Variants in CPS1 observed in about 807,000 individuals in gnomAD.
CPS1 encodes carbamoyl-phosphate synthase 1.
A neutral mutation model predicts 174.6 loss-of-function variants in CPS1; 109 were observed. The observed-to-expected ratio is 0.62, with a 90% CI of 0.53 to 0.73. The LOEUF is 0.73. CPS1 is among the 30% of genes least tolerant of loss of function. The pLI is 0.00. For missense variants in CPS1, 1,689 were observed against 1,821.9 expected, an observed-to-expected ratio of 0.93 and a Z score of 1.33; for synonymous variants, 637 against 632.0, an observed-to-expected ratio of 1.01 and a Z score of -0.12.
At chr2:210,656,746 A>C in intron 30 of CPS1, 114 bp downstream of exon 30, 1 of 758,426 alleles carries the variant, frequency 1.3e-6, no homozygotes, top group Non-Finnish European at 2.3e-6. Context: ...CTGCAGGTTA[A>C]ATTTAATGAT....
At chr2:210,635,688 T>C (rs1700024448) in intron 21 of CPS1, among the ~76,000 whole-genome samples, 1 of 152,216 alleles carries the variant, frequency 6.6e-6, no homozygotes, top group South Asian at 2.1e-4. Context: ...ATACTTAATA[T>C]TGGATTGCAT....
intron 21 of CPS1, among the ~76,000 whole-genome samples, chr2:210,632,882 T>C (rs535809564): frequency 1.3e-5 from 2 of 152,374 alleles, no homozygotes; most frequent in African/African-American, 4.8e-5. Flanking sequence ...TAATATACCA[T>C]TTCAATTTAA....
chr2:210,573,188 A>G, intron 1 of CPS1, 110 bp from the exon 2 acceptor site: 2 of 972,004 alleles, frequency 2.1e-6, no homozygotes, highest in East Asian at 2.4e-5. Flanking sequence ...TTATGGTTTC[A>G]TTAAATATAC....
At chr2:210,548,669 TCTC>T (rs1206356029) in intron 1 of CPS1, among the ~76,000 whole-genome samples, 1 of 151,964 alleles carries the variant, frequency 6.6e-6, no homozygotes, top group Non-Finnish European at 1.5e-5. Context: ...CCCTTCTTCA[TCTC>T]CTTCTTGTTC....
At chr2:210,668,583 C>A (rs1424087928) in intron 34 of CPS1, among the ~76,000 whole-genome samples, 1 of 152,034 alleles carries the variant, frequency 6.6e-6, no homozygotes, top group African/African-American at 2.4e-5. Flanking sequence ...TTGGTTTTGT[C>A]TTTTCTATAT....
At chr2:210,652,928 G>A (rs1160301437) in intron 28 of CPS1, among the ~76,000 whole-genome samples, 6 of 152,174 alleles carry the variant, frequency 3.9e-5, no homozygotes, top group East Asian at 1.9e-4. Flanking sequence ...AAAGAACCAC[G>A]AATGAGCTGA....
Position 210,580,338 on chromosome 2 carries a change from A to G in CPS1, c.528+568A>G, listed in dbSNP as rs184877706. Among the ~76,000 whole-genome samples the G allele has an allele frequency of 4.0e-3, 615 of 152,190 alleles. 7 individuals carry two copies. Among genetic ancestry groups the G allele is most frequent in the African/African-American group, 0.014 (584 of 41,542 alleles). ...AACCAAGGTGATAAAAGGGAAGGTT[A>G]TCTTTTGCTTTCAGTGAAGTCTGAT... On this transcript the variant is annotated intron_variant, in intron 5 of 37. Transcript: ENST00000233072.
chr2:210,499,464 T>G (rs976499873), intron 1 of CPS1, among the ~76,000 whole-genome samples: 8 of 152,076 alleles, frequency 5.3e-5, no homozygotes, highest in African/African-American at 1.9e-4. Context: ...TCTGTAATTC[T>G]GGCTGTAGAG....
chr2:210,674,577 T>C (rs1391374026), intron 34 of CPS1: 6 of 331,030 alleles, frequency 1.8e-5, no homozygotes, highest in Non-Finnish European at 3.5e-5. Flanking sequence ...TTTTAAGTCC[T>C]CCCTGACCAG....
chr2:210,561,196 G>C (rs1697089260), intron 1 of CPS1, among the ~76,000 whole-genome samples: 1 of 152,070 alleles, frequency 6.6e-6, no homozygotes, highest in South Asian at 2.1e-4. Context: ...AAATGTCCTA[G>C]ACTAGGTTAA....
At chr2:210,582,816 TG>T (rs1697970100) in intron 6 of CPS1, 107 bp downstream of exon 6, 3 of 872,302 alleles carry the variant, frequency 3.4e-6, no homozygotes, top group Non-Finnish European at 5.8e-6. Flanking sequence ...GAAGCACCAG[TG>T]TTCAGGGGTA....
At chr2:210,602,442 TG>T in intron 16 of CPS1, 112 bp downstream of exon 16, 1 of 1,350,628 alleles carries the variant, frequency 7.4e-7, no homozygotes, top group Non-Finnish European at 1.0e-6. Context: ...TATTAAATCA[TG>T]ATCATGTTCT....
chr2:210,525,057 A>C (rs1273379208), intron 1 of CPS1, among the ~76,000 whole-genome samples: 1 of 151,894 alleles, frequency 6.6e-6, no homozygotes, highest in Non-Finnish European at 1.5e-5. Flanking sequence ...CCTTTCCCGT[A>C]GTAATAAGAA....
In CPS1 at chr2:210,602,280, G is replaced by A. The variant is rs1286368662; in HGVS notation, c.1786G>A (p.Gly596Ser). 2 of 1,612,654 alleles carry A rather than the reference G, an allele frequency of 1.2e-6. No homozygotes were observed. The highest frequency in any genetic ancestry group is 1.7e-6 in the Non-Finnish European group (2 of 1,179,108). The part of the protein sequence containing the change: ...IRSAYALGGL[G>S]SGICPNRETL... ...TTCCGCCTATGCACTGGGTGGGTTA[G>A]GCTCAGGCATCTGTCCCAACAGAGA... The change falls in exon 16 of 38, where the codon GGC (glycine) becomes AGC (serine). Residue 596 changes from glycine to serine, a missense_variant. Transcript: ENST00000233072.
intron 1 of CPS1, among the ~76,000 whole-genome samples, chr2:210,520,078 C>G (rs149829225): frequency 4.0e-4 from 61 of 152,092 alleles, no homozygotes; most frequent in Middle Eastern, 3.4e-3. Flanking sequence ...TATTCCAGTT[C>G]ATCCTAAGAT....
At chr2:210,498,497 CA>C (rs1695061410) in intron 1 of CPS1, among the ~76,000 whole-genome samples, 1 of 152,120 alleles carries the variant, frequency 6.6e-6, no homozygotes, top group Admixed American at 6.5e-5. Context: ...TGAGTTTTGA[CA>C]CTGATTTTGT....
At chr2:210,506,440 A>G (rs1168617161) in intron 1 of CPS1, among the ~76,000 whole-genome samples, 1 of 152,190 alleles carries the variant, frequency 6.6e-6, no homozygotes, top group Non-Finnish European at 1.5e-5. Context: ...GGGAAAAAAC[A>G]GAGCAGAAAA....
Position 210,590,793 on chromosome 2 carries a change from GA to G in CPS1, c.841-6del. 2 of 1,607,706 alleles carry G rather than the reference GA, an allele frequency of 1.2e-6. No individual in the cohort carries two copies. Among genetic ancestry groups the G allele is most frequent in the Non-Finnish European group, 1.7e-6 (2 of 1,175,470 alleles). On this transcript the variant is annotated splice_region_variant and splice_polypyrimidine_tract_variant and intron_variant, in intron 8 of 37. Transcript: ENST00000233072. The stretch of plus-strand genomic sequence containing the variant: ...TAATTGGTTAATAAAAATTCTCCCT[GA>G]TTTAGATTTTGGAGAGTGATCGCAA...
At chr2:210,589,124 T>C (rs1698203452) in intron 7 of CPS1, among the ~76,000 whole-genome samples, 1 of 152,008 alleles carries the variant, frequency 6.6e-6, no homozygotes, top group Admixed American at 6.6e-5. Flanking sequence ...GGATAGGCAG[T>C]CTCTAAGGTA....
Sources: allele counts gnomAD v4.1 joint callset (sites outside exome capture counted in the v4.1 genomes callset), GRCh38; gene constraint gnomAD v4.1.1; transcripts MANE v1.5; gene names NCBI Gene and HGNC (gene_info 2026-07-23, HGNC 2026-07-21).